AGPS: variants seen among roughly 807,000 people sequenced by gnomAD.
AGPS encodes the protein alkyldihydroxyacetonephosphate synthase, peroxisomal.
A neutral mutation model predicts 90.7 loss-of-function variants in AGPS; 26 were observed. The ratio of observed to expected loss-of-function variants is 0.29; its 90% CI spans 0.21 to 0.40. AGPS has a LOEUF of 0.40. Among genes scored for constraint, AGPS ranks in the 10% least tolerant of loss-of-function variants. The pLI, the probability that AGPS is intolerant of heterozygous loss-of-function variation, is 1.00. For missense variants in AGPS, 540 were observed against 816.1 expected, an observed-to-expected ratio of 0.66 and a Z score of 4.12; for synonymous variants, 294 against 285.3, an observed-to-expected ratio of 1.03 and a Z score of -0.31.
intron 8 of AGPS, among the ~76,000 whole-genome samples, chr2:177,452,311 A>G (rs188440851): frequency 2.8e-4 from 42 of 152,166 alleles, no homozygotes; most frequent in African/African-American, 4.3e-4. Context: ...AGATTTGTAT[A>G]TTTCTTCTGC....
At chr2:177,419,840 T>A (rs1685894883) in intron 1 of AGPS, among the ~76,000 whole-genome samples, 1 of 151,848 alleles carries the variant, frequency 6.6e-6, no homozygotes, top group South Asian at 2.1e-4. Context: ...AATTGGTCTT[T>A]TTTTAAAAAT....
rs571593174 is a variant in AGPS, at chr2:177,483,933, A to T, written c.1233+1747A>T. ...AGTTTCAAATTAAGATACCCCAGAT[A>T]TTAAGAAGTAAAAGAACTTGCAGAG... On this transcript the variant is annotated intron_variant, in intron 11 of 19. Transcript: ENST00000264167. 4.6e-5 allele frequency among the ~76,000 whole-genome samples: 7 copies of T among 152,126 alleles called. No individual in the cohort carries two copies. In the South Asian group the frequency reaches 1.5e-3, roughly 32 times the overall value.
intron 17 of AGPS, among the ~76,000 whole-genome samples, chr2:177,517,170 A>G (rs1233465442): frequency 2.0e-5 from 3 of 152,116 alleles, no homozygotes; most frequent in South Asian, 2.1e-4. Flanking sequence ...AGATTTGACT[A>G]TGATTACCTT....
chr2:177,409,231 G>T (rs1240562110), intron 1 of AGPS, among the ~76,000 whole-genome samples: 6 of 149,382 alleles, frequency 4.0e-5, no homozygotes, highest in Non-Finnish European at 6.0e-5. Flanking sequence ...GTTTTGTTTT[G>T]TTTTTTTTTC....
At position 177,540,858 on chromosome 2, in the gene AGPS, A is replaced by G. The variant is rs1457118720; in HGVS notation, c.*2663A>G. On this transcript the variant is annotated 3_prime_UTR_variant, in exon 20 of 20. Coordinates refer to ENST00000264167, the MANE Select transcript of AGPS (RefSeq NM_003659.4). ...ATTGAATACTAAAGACTCAATATGA[A>G]CAGGCTTTATAGACCCTTAGAGAAA... The G allele has an allele frequency of 6.6e-6, 1 of 152,082 alleles. No homozygotes were observed. Among genetic ancestry groups the G allele is most frequent in the South Asian group, 2.1e-4 (1 of 4,830 alleles). 9.4% of individuals were successfully genotyped at this position (152,082 alleles called of 1,614,324 possible).
At chr2:177,486,768 A>C (rs1217771840) in intron 11 of AGPS, among the ~76,000 whole-genome samples, 1 of 58,790 alleles carries the variant, frequency 1.7e-5, no homozygotes, top group African/African-American at 4.0e-5. Flanking sequence ...GAAGGAAATA[A>C]ATTAAGCAAC....
chr2:177,525,365 T>C (rs1204707707), intron 19 of AGPS, among the ~76,000 whole-genome samples: 2 of 152,178 alleles, frequency 1.3e-5, no homozygotes, highest in African/African-American at 2.4e-5. Context: ...GAATTATTCG[T>C]TTGTTTTTTG....
intron 19 of AGPS, among the ~76,000 whole-genome samples, chr2:177,531,847 C>T (rs1456933173): frequency 6.6e-6 from 1 of 151,846 alleles, no homozygotes; most frequent in Non-Finnish European, 1.5e-5. Context: ...CACAAATATG[C>T]CAAGCTGAGT....
At position 177,543,794 on chromosome 2, in the gene AGPS, T is replaced by C. The variant is rs2079262228; in HGVS notation, c.*5599T>C. 1 of 152,220 alleles carries C rather than the reference T, an allele frequency of 6.6e-6. No homozygotes were observed. The highest frequency in any genetic ancestry group is 2.4e-5 in the African/African-American group (1 of 41,458). The allele number at this position is 152,220 out of a possible 1,614,324, so 9.4% of individuals were successfully genotyped here. On this transcript the variant is annotated 3_prime_UTR_variant, in exon 20 of 20. Transcript: ENST00000264167. Reference sequence around the variant, plus strand: ...TATAAGCAAATGCCCATGTGTGATTTTTAAGATGTGCTGGGGAAAAATAAA... The same window carrying C: ...TATAAGCAAATGCCCATGTGTGATTCTTAAGATGTGCTGGGGAAAAATAAA...
At chr2:177,459,195 C>T (rs995443461) in intron 8 of AGPS, among the ~76,000 whole-genome samples, 11 of 152,136 alleles carry the variant, frequency 7.2e-5, no homozygotes, top group Non-Finnish European at 1.6e-4. Flanking sequence ...GACTTAAATG[C>T]AAGACCTAGG....
Position 177,393,651 on chromosome 2 carries a change from G to T in AGPS, c.260+602G>T, listed in dbSNP as rs1278254543. On this transcript the variant is annotated intron_variant, in intron 1 of 19. Transcript: ENST00000264167. Reference sequence around the variant, plus strand: ...TAGTGGTTTAAGGTGTGGTGGTATAGCTACTGAGCTCTGTGTAACCAGAAG... The same window carrying T: ...TAGTGGTTTAAGGTGTGGTGGTATATCTACTGAGCTCTGTGTAACCAGAAG... 3 of 834,140 alleles carry T rather than the reference G, an allele frequency of 3.6e-6. No homozygotes were observed. In the East Asian group the frequency reaches 3.7e-4, roughly 104 times the overall value. 51.7% of individuals were successfully genotyped at this position (834,140 alleles called of 1,614,324 possible). A position where few individuals can be genotyped will look rare whatever the true frequency, so the allele number is the denominator to read the frequency against.
chr2:177,505,625 A>G (rs1688686342), intron 15 of AGPS, 50 bp downstream of exon 15: 1 of 1,494,728 alleles, frequency 6.7e-7, no homozygotes, highest in Non-Finnish European at 9.3e-7. Context: ...TGCAAACAAT[A>G]CTTTTTCTTA....
At chr2:177,409,822 AAG>A (rs777580292) in intron 1 of AGPS, among the ~76,000 whole-genome samples, 1 of 152,132 alleles carries the variant, frequency 6.6e-6, no homozygotes, top group African/African-American at 2.4e-5. Flanking sequence ...TCTATTCTGG[AAG>A]AGACAAACTT....
intron 16 of AGPS, 95 bp downstream of exon 16, chr2:177,508,126 A>G (rs1017921138): frequency 2.1e-6 from 2 of 942,214 alleles, no homozygotes; most frequent in Middle Eastern, 2.3e-4. Flanking sequence ...AGTTTAAAAC[A>G]TTTTATGAAG....
At chr2:177,428,644 C>A (rs1574359442) in intron 2 of AGPS, among the ~76,000 whole-genome samples, 1 of 152,064 alleles carries the variant, frequency 6.6e-6, no homozygotes, top group African/African-American at 2.4e-5. Flanking sequence ...GAATATTGGC[C>A]CCCAATCTCT....
chr2:177,473,058 T>C (rs986108546), intron 10 of AGPS, among the ~76,000 whole-genome samples: 9 of 152,250 alleles, frequency 5.9e-5, no homozygotes, highest in African/African-American at 2.2e-4. Context: ...TGTAGTCTTT[T>C]AATAAGACTC....
chr2:177,528,162 G>A (rs1006352450), intron 19 of AGPS, among the ~76,000 whole-genome samples: 4 of 151,984 alleles, frequency 2.6e-5, no homozygotes, highest in Non-Finnish European at 5.9e-5. Flanking sequence ...CCATCTGTAT[G>A]CTAACTCCCA....
At chr2:177,499,282 A>G (rs1688490375) in intron 13 of AGPS, among the ~76,000 whole-genome samples, 1 of 151,860 alleles carries the variant, frequency 6.6e-6, no homozygotes, top group Non-Finnish European at 1.5e-5. Flanking sequence ...ACTTTATTCT[A>G]TCATTCTGCA....
At position 177,539,619 on chromosome 2, in the gene AGPS, G is replaced by A. The variant is rs975289225; in HGVS notation, c.*1424G>A. The A allele has an allele frequency of 6.6e-5, 10 of 151,926 alleles. No homozygotes were observed. Among genetic ancestry groups the A allele is most frequent in the Admixed American group, 1.3e-4 (2 of 15,238 alleles). The allele number at this position is 151,926 out of a possible 1,614,324, so 9.4% of individuals were successfully genotyped here. A position where few individuals can be genotyped will look rare whatever the true frequency, so the allele number is the denominator to read the frequency against. The stretch of plus-strand genomic sequence containing the variant: ...AGCAACAGCTCCAAAGTATTTTTGG[G>A]CAGTTTGATACCTTTTATATCTGAA... On this transcript the variant is annotated 3_prime_UTR_variant, in exon 20 of 20. Transcript: ENST00000264167.
Sources: allele counts gnomAD v4.1 joint callset (sites outside exome capture counted in the v4.1 genomes callset), GRCh38; gene constraint gnomAD v4.1.1; transcripts MANE v1.5; gene names NCBI Gene and HGNC (gene_info 2026-07-23, HGNC 2026-07-21).